RAPGEF4: variants seen among roughly 807,000 people sequenced by gnomAD.
RAPGEF4 encodes Rap guanine nucleotide exchange factor 4, also known as RAP guanine-nucleotide-exchange factor (GEF) 4.
RAPGEF4 carries 66 observed loss-of-function variants against 147.9 expected under a neutral mutation model. The ratio of observed to expected loss-of-function variants is 0.45; its 90% confidence interval spans 0.37 to 0.55. The LOEUF (loss-of-function observed/expected upper bound fraction) is 0.55. Among genes scored for constraint, RAPGEF4 ranks in the 20% least tolerant of loss-of-function variants. RAPGEF4 has a pLI of 0.00. For missense variants in RAPGEF4, 1,071 were observed against 1,257.3 expected (o/e 0.85, Z 2.24); for synonymous variants, 419 against 442.7 (o/e 0.95, Z 0.67).
At chr2:173,051,187 A>G (rs1686193265) in intron 30 of RAPGEF4, among the ~76,000 whole-genome samples, 1 of 152,240 alleles carries the variant, frequency 6.6e-6, no homozygotes, top group East Asian at 1.9e-4. Flanking sequence ...CTGTAGTCTC[A>G]CTGGCTTGCT....
At chr2:173,017,387 C>T in intron 20 of RAPGEF4, 39 bp from the exon 21 acceptor site, 1 of 1,580,240 alleles carries the variant, frequency 6.3e-7, no homozygotes, top group Non-Finnish European at 8.7e-7. Flanking sequence ...ATGCATTGGT[C>T]ACTGTCCCTT....
intron 4 of RAPGEF4, among the ~76,000 whole-genome samples, chr2:172,884,801 C>T (rs1697003771): frequency 6.6e-6 from 1 of 152,168 alleles, no homozygotes; most frequent in Non-Finnish European, 1.5e-5. Flanking sequence ...ATGCAACATA[C>T]TTCAGTTTAG....
chr2:172,807,748 A>G (rs1483884249), intron 3 of RAPGEF4, among the ~76,000 whole-genome samples: 1 of 152,222 alleles, frequency 6.6e-6, no homozygotes, highest in Non-Finnish European at 1.5e-5. Context: ...CCTGGGCAAC[A>G]TAGCAAGACC....
Position 173,052,713 on chromosome 2 carries a change from T to C in RAPGEF4, c.*946T>C, listed in dbSNP as rs1186149484. The C allele has an allele frequency of 6.5e-6, 1 of 152,674 alleles. No homozygotes were observed. The highest frequency in any genetic ancestry group is 1.5e-5 in the Non-Finnish European group (1 of 68,034). 9.5% of individuals were successfully genotyped at this position (152,674 alleles called of 1,614,324 possible). On this transcript the variant is annotated 3_prime_UTR_variant, in exon 31 of 31. Coordinates refer to ENST00000397081, the MANE Select transcript of RAPGEF4 (RefSeq NM_007023.4). The stretch of plus-strand genomic sequence containing the variant: ...CAATGGTATGGAGTTATTTATTTGC[T>C]ACATAATAGATACTGTGCCAAATAA...
Position 172,780,309 on chromosome 2 carries a change from G to A in RAPGEF4, c.66-14716G>A, listed in dbSNP as rs575177228. Reference sequence around the variant, plus strand: ...CAAAGAAGAATACATTTTAGAGAAGGATAATACATTTTAGACGAGACAAAG... The same window carrying A: ...CAAAGAAGAATACATTTTAGAGAAGAATAATACATTTTAGACGAGACAAAG... On this transcript the variant is annotated intron_variant, in intron 1 of 30. Coordinates refer to ENST00000397081, the MANE Select transcript of RAPGEF4 (RefSeq NM_007023.4). 3.3e-5 allele frequency among the ~76,000 whole-genome samples: 5 copies of A among 152,206 alleles called. No individual in the cohort carries two copies. In the East Asian group the frequency reaches 9.6e-4, roughly 29 times the overall value.
chr2:172,969,357 A>C (rs1441325665), intron 10 of RAPGEF4, among the ~76,000 whole-genome samples: 1 of 152,246 alleles, frequency 6.6e-6, no homozygotes, highest in Non-Finnish European at 1.5e-5. Flanking sequence ...TATGCAAGCA[A>C]TCATTTAATC....
intron 21 of RAPGEF4, 137 bp downstream of exon 21, chr2:173,017,641 C>G (rs746694119): frequency 1.2e-5 from 9 of 730,050 alleles, no homozygotes; most frequent in African/African-American, 1.8e-5. Context: ...TTGGAGGTGC[C>G]CTTTGGTGGC....
chr2:172,938,654 C>T (rs1313944918), intron 6 of RAPGEF4, among the ~76,000 whole-genome samples: 2 of 152,188 alleles, frequency 1.3e-5, no homozygotes, highest in Non-Finnish European at 2.9e-5. Context: ...GTATGCATTC[C>T]ATCCTGGGAT....
intron 4 of RAPGEF4, among the ~76,000 whole-genome samples, chr2:172,819,498 C>A (rs1351301060): frequency 9.1e-6 from 1 of 109,930 alleles, no homozygotes; most frequent in Non-Finnish European, 1.7e-5. Context: ...CGGAGTCTCG[C>A]TCTGTCGCCC....
intron 6 of RAPGEF4, among the ~76,000 whole-genome samples, chr2:172,941,714 C>T (rs1377051817): frequency 6.6e-6 from 1 of 152,138 alleles, no homozygotes; most frequent in Non-Finnish European, 1.5e-5. Context: ...AAGGAGACTG[C>T]AAGCTGACTG....
chr2:172,970,291 G>T (rs1159928710), intron 10 of RAPGEF4, among the ~76,000 whole-genome samples: 1 of 150,528 alleles, frequency 6.6e-6, no homozygotes, highest in Non-Finnish European at 1.5e-5. Context: ...TACTGTCCTT[G>T]AAGGGACCAA....
chr2:172,822,412 G>T (rs534176740), intron 4 of RAPGEF4, among the ~76,000 whole-genome samples: 1 of 152,310 alleles, frequency 6.6e-6, no homozygotes, highest in South Asian at 2.1e-4. Context: ...GCCCCTGGAA[G>T]GTATTTTGCC....
intron 4 of RAPGEF4, among the ~76,000 whole-genome samples, chr2:172,861,108 C>T (rs1693994501): frequency 6.6e-6 from 1 of 152,174 alleles, no homozygotes; most frequent in African/African-American, 2.4e-5. Flanking sequence ...AGATATCCTA[C>T]ATTTCCCGTT....
chr2:173,040,184 A>G (rs1282489116), intron 29 of RAPGEF4, among the ~76,000 whole-genome samples: 3 of 150,294 alleles, frequency 2.0e-5, no homozygotes, highest in African/African-American at 7.4e-5. Context: ...GCAAGACTCC[A>G]TCTCAAAAAA....
In RAPGEF4 at chr2:172,833,539, G is replaced by T. The variant is rs551065316; in HGVS notation, c.444+19114G>T. Reference sequence around the variant, plus strand: ...CTTCGCTTTGTATTTCCCTAATCACGCATCTTTTAAATATTTCTTGGCAGT... The same window carrying T: ...CTTCGCTTTGTATTTCCCTAATCACTCATCTTTTAAATATTTCTTGGCAGT... On this transcript the variant is annotated intron_variant, in intron 4 of 30. Transcript: ENST00000397081. 3.3e-5 allele frequency among the ~76,000 whole-genome samples: 5 copies of T among 151,968 alleles called. No individual in the cohort carries two copies. In the South Asian group the frequency reaches 6.2e-4, roughly 19 times the overall value.
At chr2:172,806,015 CTGTGTGTGTGTGTGTGTGTGTGTGTGTG>C (rs36226317) in intron 3 of RAPGEF4, among the ~76,000 whole-genome samples, 1 of 145,324 alleles carries the variant, frequency 6.9e-6, no homozygotes, top group East Asian at 2.0e-4. Context: ...TATTATCCGG[CTGTGTGTGTGTGTGTGTGTGTGTGTGTG>C]TGTGTGTGTG....
chr2:172,743,921 GA>G (rs1048212986), intron 1 of RAPGEF4, among the ~76,000 whole-genome samples: 1 of 152,042 alleles, frequency 6.6e-6, no homozygotes, highest in Non-Finnish European at 1.5e-5. Flanking sequence ...TTTGTTTTGT[GA>G]AGAAAAAAGC....
chr2:173,014,306 G>A (rs376574119), intron 17 of RAPGEF4, among the ~76,000 whole-genome samples, 158 bp from the exon 18 acceptor site: 1 of 152,172 alleles, frequency 6.6e-6, no homozygotes, highest in Non-Finnish European at 1.5e-5. Context: ...ATTCGGCACA[G>A]ACACTTTCTG....
rs1693707019 is a variant in RAPGEF4, at chr2:172,736,009, C to T, written c.26C>T (p.Ser9Phe). ...ATGGTCGCTGCGCACGCTGCCCATT[C>T]TTCCTCCTCTGCCGAGTGGATCGCC... MVAAHAAH[S>F]SSSAEWIACL... is the part of the protein sequence containing the mutation. The change falls in exon 1 of 31, where the codon TCT becomes TTT. Residue 9 changes from serine (S) to phenylalanine (F), a missense_variant. By Grantham distance (155) the Ser-to-Phe change is radical. Transcript: ENST00000397081. The T allele has an allele frequency of 1.4e-6, 2 of 1,480,120 alleles. No homozygotes were observed. The highest frequency in any genetic ancestry group is 1.5e-5 in the African/African-American group (1 of 67,918). 91.7% of individuals were successfully genotyped at this position (1,480,120 alleles called of 1,614,324 possible). A position where few individuals can be genotyped will look rare whatever the true frequency, so the allele number is the denominator to read the frequency against.
Sources: gnomAD v4.1 joint callset for allele counts (sites outside exome capture counted in the v4.1 genomes callset) on GRCh38, gnomAD v4.1.1 for gene constraint, MANE v1.5 for transcripts, NCBI Gene and HGNC (gene_info 2026-07-23, HGNC 2026-07-21) for gene names.